Variants in FBLN7 observed in about 807,000 individuals in gnomAD.
FBLN7 encodes fibulin-7.
A neutral mutation model predicts 44.0 loss-of-function variants in FBLN7; 31 were observed. The observed-to-expected ratio is 0.70, with a 90% CI of 0.53 to 0.95. The LOEUF (loss-of-function observed/expected upper bound fraction) is 0.95. FBLN7 is among the 40% of genes least tolerant of loss of function. The pLI is 0.00. For synonymous variants in FBLN7, 262 were observed against 253.4 expected (o/e 1.03, Z -0.32); for missense variants, 573 against 618.5 (o/e 0.93, Z 0.78).
At chr2:112,236,132 C>G in the FBLN7 span, among the ~76,000 whole-genome samples, 1 of 151,824 alleles carries the variant, frequency 6.6e-6, no homozygotes, top group Non-Finnish European at 1.5e-5. Flanking sequence ...GGCATGGTGG[C>G]GGGCGCCTGT....
the FBLN7 span, among the ~76,000 whole-genome samples, chr2:112,207,344 G>A: frequency 6.6e-6 from 1 of 151,940 alleles, no homozygotes; most frequent in Non-Finnish European, 1.5e-5. Flanking sequence ...GCAGGCACCT[G>A]TAATGCCAGC....
the FBLN7 span, among the ~76,000 whole-genome samples, chr2:112,228,145 T>C: frequency 1.3e-5 from 2 of 152,194 alleles, no homozygotes; most frequent in Admixed American, 6.5e-5. Context: ...CATACATTTA[T>C]AGTCAGCTGA....
At chr2:112,230,859 T>C in the FBLN7 span, 25 of 1,234,078 alleles carry the variant, frequency 2.0e-5, no homozygotes, top group Admixed American at 7.9e-5. Flanking sequence ...CTTCTGGAGA[T>C]GTTCAGACAA....
At chr2:112,227,479 C>A in the FBLN7 span, among the ~76,000 whole-genome samples, 2 of 152,178 alleles carry the variant, frequency 1.3e-5, no homozygotes, top group Non-Finnish European at 2.9e-5. Context: ...GAACCGAGAT[C>A]GCGCCATTTG....
At chr2:112,181,145 T>C (rs547477438) in intron 4 of FBLN7, among the ~76,000 whole-genome samples, 2 of 151,934 alleles carry the variant, frequency 1.3e-5, no homozygotes, top group Admixed American at 6.6e-5. Context: ...TAACAACTTA[T>C]GAACACAAAG....
At chr2:112,200,616 C>T in the FBLN7 span, among the ~76,000 whole-genome samples, 1 of 152,192 alleles carries the variant, frequency 6.6e-6, no homozygotes, top group African/African-American at 2.4e-5. Flanking sequence ...CTCACTGCCA[C>T]CTCTGCCTCC....
chr2:112,222,303 C>A, the FBLN7 span, among the ~76,000 whole-genome samples: 6 of 152,178 alleles, frequency 3.9e-5, no homozygotes, highest in African/African-American at 1.2e-4. Flanking sequence ...CGGGGTTGCA[C>A]CTGCCTGCAG....
At chr2:112,236,760 T>A in the FBLN7 span, 1 of 1,429,670 alleles carries the variant, frequency 7.0e-7, no homozygotes, top group Non-Finnish European at 9.5e-7. Context: ...TTTTAAGAAG[T>A]ACGGGGCCAG....
rs995038482 is a variant in FBLN7 at position 112,181,771 on chromosome 2, G to A, written c.565G>A (p.Ala189Thr). The A allele has an allele frequency of 6.3e-6, 9 of 1,432,282 alleles. 1 individual carries two copies. The highest frequency in any genetic ancestry group is 3.0e-5 in the East Asian group (1 of 33,282). 88.7% of individuals were successfully genotyped at this position (1,432,282 alleles called of 1,614,324 possible). ...CGAGGGCAGCGTGGCCGGCGACTCC[G>A]CCTTCAGCCGCGCGCCGCGCTGTGC... ...APEGSVAGDS[A>T]FSRAPRCAQV... Residue 189 changes from alanine (A) to threonine (T), a missense_variant, in exon 5 of 8, where the codon GCC (alanine) becomes ACC (threonine). Coordinates refer to ENST00000331203, the MANE Select transcript of FBLN7 (RefSeq NM_153214.3).
the FBLN7 span, among the ~76,000 whole-genome samples, chr2:112,229,812 CTT>C: frequency 6.6e-6 from 1 of 151,392 alleles, no homozygotes; most frequent in African/African-American, 2.4e-5. Context: ...AGCTCCAAAA[CTT>C]AAAAAAAAAG....
chr2:112,167,094 T>C (rs1367822978), intron 3 of FBLN7, among the ~76,000 whole-genome samples: 1 of 152,242 alleles, frequency 6.6e-6, no homozygotes, highest in Non-Finnish European at 1.5e-5. Context: ...CCCCAAGCGG[T>C]GCTGCAAGCG....
intron 1 of FBLN7, among the ~76,000 whole-genome samples, chr2:112,158,729 G>A (rs1681567807): frequency 1.3e-5 from 2 of 152,074 alleles, no homozygotes; most frequent in Non-Finnish European, 1.5e-5. Context: ...ATGAACCACC[G>A]AGCCTGGCTG....
intron 1 of FBLN7, among the ~76,000 whole-genome samples, chr2:112,146,946 G>T (rs894563391): frequency 6.6e-6 from 1 of 152,144 alleles, no homozygotes; most frequent in Non-Finnish European, 1.5e-5. Flanking sequence ...TTTTGTAGGT[G>T]TTATTTGTCT....
At chr2:112,164,201 G>A (rs181709814) in intron 2 of FBLN7, among the ~76,000 whole-genome samples, 2 of 152,262 alleles carry the variant, frequency 1.3e-5, no homozygotes, top group African/African-American at 4.8e-5. Flanking sequence ...GCCTGCCTAA[G>A]TCCCTAATAT....
At position 112,159,847 on chromosome 2, in the gene FBLN7, C is replaced by T. The variant is rs371987927; in HGVS notation, c.235+12C>T. The T allele has an allele frequency of 4.0e-6, 6 of 1,518,062 alleles. No homozygotes were observed. Among genetic ancestry groups the T allele is most frequent in the African/African-American group, 1.4e-5 (1 of 71,414 alleles). 94.0% of individuals were successfully genotyped at this position (1,518,062 alleles called of 1,614,324 possible). A position where few individuals can be genotyped will look rare whatever the true frequency, so the allele number is the denominator to read the frequency against. On this transcript the variant is annotated intron_variant, in intron 2 of 7. Transcript: ENST00000331203. ...AGATGCCCTTCCAGGTGGGTCCCCA[C>T]GTCGGCACCGCTGGGGCGGCAGCGC... is the stretch of plus-strand genomic sequence containing the variant.
Position 112,144,281 on chromosome 2 carries a change from TGTTA to T in FBLN7, c.75+5555_75+5558del, listed in dbSNP as rs1349314488. Among the ~76,000 whole-genome samples the T allele has an allele frequency of 3.3e-5, 5 of 152,356 alleles. No homozygotes were observed. The East Asian group carries it at 7.7e-4, about 23-fold the overall frequency. On this transcript the variant is annotated intron_variant, in intron 1 of 7. Coordinates refer to ENST00000331203, the MANE Select transcript of FBLN7 (RefSeq NM_153214.3). ...ATTTTAATGATTCAGACAATTCTGA[TGTTA>T]GTTCTGCTTTGAAATAACTACAAGA...
At chr2:112,162,037 GA>G (rs745422756) in intron 2 of FBLN7, among the ~76,000 whole-genome samples, 1 of 152,170 alleles carries the variant, frequency 6.6e-6, no homozygotes, top group Non-Finnish European at 1.5e-5. Flanking sequence ...CTTTTTAAAA[GA>G]GAGACAAGGT....
intron 1 of FBLN7, among the ~76,000 whole-genome samples, chr2:112,144,675 C>T (rs367951822): frequency 3.9e-5 from 6 of 151,938 alleles, no homozygotes; most frequent in African/African-American, 9.7e-5. Context: ...TACAGGCTCC[C>T]GCCACCACGC....
intron 3 of FBLN7, among the ~76,000 whole-genome samples, chr2:112,174,694 TTTTG>T (rs1448051539): frequency 1.3e-5 from 2 of 152,334 alleles, no homozygotes; most frequent in South Asian, 2.1e-4. Context: ...ATGGGGTTTT[TTTTG>T]TTTGTTTGGT....
Sources: gnomAD v4.1 joint callset for allele counts (sites outside exome capture counted in the v4.1 genomes callset) on GRCh38, gnomAD v4.1.1 for gene constraint, MANE v1.5 for transcripts, NCBI Gene and HGNC (gene_info 2026-07-23, HGNC 2026-07-21) for gene names.